The following DPH6 variants were observed in gnomAD, a reference collection of about 807,000 sequenced individuals.
DPH6 encodes the protein diphthamine biosynthesis 6.
In DPH6, 33 loss-of-function variants were observed where a neutral mutation model predicts 38.2. The ratio of observed to expected loss-of-function variants is 0.86; its 90% CI spans 0.65 to 1.15. DPH6 has a LOEUF of 1.15. Among genes scored for constraint, DPH6 ranks in the 50% most tolerant of loss-of-function variants. The pLI is 0.00. For missense variants in DPH6, 325 were observed against 320.0 expected (o/e 1.02, Z -0.12); for synonymous variants, 108 against 103.0 (o/e 1.05, Z -0.30).
chr15:35,318,917 C>T (rs956761370), intron 3 of DPH6, among the ~76,000 whole-genome samples: 1 of 152,078 alleles, frequency 6.6e-6, no homozygotes, highest in Non-Finnish European at 1.5e-5. Flanking sequence ...AATATACACA[C>T]AAGATCACGA....
At chr15:35,351,720 C>CT (rs758678929) in intron 3 of DPH6, among the ~76,000 whole-genome samples, 3,679 of 136,390 alleles carry the variant, frequency 0.027, 61 homozygotes, top group African/African-American at 0.05. Context: ...TGTCAGACTT[C>CT]TTTTTTTTTT....
At chr15:35,439,719 G>C (rs573681207) in intron 5 of DPH6, among the ~76,000 whole-genome samples, 1 of 151,690 alleles carries the variant, frequency 6.6e-6, no homozygotes, top group South Asian at 2.1e-4. Context: ...CTCAAGAAGA[G>C]AGGAGTTCAC....
At chr15:35,360,683 T>C (rs1238385309) in intron 3 of DPH6, among the ~76,000 whole-genome samples, 5 of 152,120 alleles carry the variant, frequency 3.3e-5, no homozygotes, top group African/African-American at 1.2e-4. Context: ...GTGCCTGCTA[T>C]TGGGGGCATA....
At chr15:35,316,399 A>T (rs958863524) in intron 3 of DPH6, among the ~76,000 whole-genome samples, 5 of 152,200 alleles carry the variant, frequency 3.3e-5, no homozygotes, top group African/African-American at 1.2e-4. Flanking sequence ...TAATTTATAG[A>T]TTCCAGAGAG....
rs567689634 is a variant in DPH6, at chr15:35,354,086, A to G, written n.207+19435T>C. Among the ~76,000 whole-genome samples, 267 of 151,986 alleles carry G rather than the reference A, an allele frequency of 1.8e-3. 1 individual carries two copies. Among genetic ancestry groups the G allele is most frequent in the East Asian group, 5.2e-3 (27 of 5,160 alleles). On this transcript the variant is annotated intron_variant and non_coding_transcript_variant, in intron 3 of 3. Transcript: ENST00000558973. ...TCATGATTTGGCTCTCTGTTTGTCT[A>G]TTATTGGTGTATAAGAATGCTTGTG...
intron 5 of DPH6, among the ~76,000 whole-genome samples, chr15:35,424,691 A>G (rs984346876): frequency 7.2e-5 from 11 of 151,734 alleles, no homozygotes; most frequent in Middle Eastern, 6.8e-3. Flanking sequence ...CAAGATGGTT[A>G]TATAAGCACT....
intron 3 of DPH6, among the ~76,000 whole-genome samples, chr15:35,333,908 A>G (rs2052346992): frequency 6.6e-6 from 1 of 152,224 alleles, no homozygotes; most frequent in South Asian, 2.1e-4. Context: ...GATAAAGAAA[A>G]TGTGGTACAT....
At chr15:35,344,502 G>A (rs2052446394) in intron 3 of DPH6, among the ~76,000 whole-genome samples, 1 of 151,802 alleles carries the variant, frequency 6.6e-6, no homozygotes, top group Admixed American at 6.6e-5. Context: ...AACCATTCAG[G>A]AGAGACTTAA....
At chr15:35,459,228 A>ACT (rs1292246969) in intron 3 of DPH6, among the ~76,000 whole-genome samples, 5 of 151,852 alleles carry the variant, frequency 3.3e-5, no homozygotes, top group African/African-American at 7.3e-5. Context: ...ATTCTCTGGG[A>ACT]CTCTCTTAAG....
chr15:35,267,713 C>G (rs1050755833), intron 3 of DPH6, among the ~76,000 whole-genome samples: 13 of 152,098 alleles, frequency 8.5e-5, no homozygotes, highest in Admixed American at 2.6e-4. Context: ...TTTGCCATCC[C>G]TTTTTGTGTA....
Position 35,371,979 on chromosome 15 carries a change from C to T in DPH6, c.*171G>A. ...GCACTATTAATGAACATGCCGTCGA[C>T]ATTTTCCCAATTAATAAATGGTTCC... On this transcript the variant is annotated 3_prime_UTR_variant, in exon 9 of 9. Transcript: ENST00000256538. 1 of 1,321,220 alleles carries T rather than the reference C, an allele frequency of 7.6e-7. No individual in the cohort carries two copies. Among genetic ancestry groups the T allele is most frequent in the Non-Finnish European group, 9.7e-7 (1 of 1,033,366 alleles). 81.8% of individuals were successfully genotyped at this position (1,321,220 alleles called of 1,614,324 possible). A position where few individuals can be genotyped will look rare whatever the true frequency, so the allele number is the denominator to read the frequency against.
At chr15:35,398,590 T>A (rs2053177490) in intron 6 of DPH6, among the ~76,000 whole-genome samples, 1 of 152,248 alleles carries the variant, frequency 6.6e-6, no homozygotes. Context: ...CATCTCTGCA[T>A]CTGGCTGTTC....
intron 3 of DPH6, among the ~76,000 whole-genome samples, chr15:35,258,586 T>C (rs958746091): frequency 6.6e-6 from 1 of 152,214 alleles, no homozygotes; most frequent in Non-Finnish European, 1.5e-5. Context: ...TAGAGCTTAA[T>C]GTCCTTTGTT....
rs1048669616 is a variant in DPH6 at position 35,466,225 on chromosome 15, T to G, written c.313-11405A>C. On this transcript the variant is annotated intron_variant, in intron 3 of 8. Coordinates refer to ENST00000256538, the MANE Select transcript of DPH6 (RefSeq NM_080650.4). ...AAAATTAAAATTAATTAAAAATAAT[T>G]AAATACATAAAAGATAAGGTGATAT... Among the ~76,000 whole-genome samples the G allele has an allele frequency of 1.6e-4, 25 of 151,978 alleles. 1 individual carries two copies. Among genetic ancestry groups the G allele is most frequent in the Admixed American group, 1.6e-3 (25 of 15,258 alleles).
At chr15:35,330,658 T>C (rs1464222126), downstream of DPH6, 1 of 152,186 alleles carries the variant, frequency 6.6e-6, no homozygotes, top group Non-Finnish European at 1.5e-5. Flanking sequence ...GACCTGACTA[T>C]AGAAAGGAGC....
intron 3 of DPH6, among the ~76,000 whole-genome samples, chr15:35,311,628 T>G (rs567715784): frequency 7.2e-4 from 110 of 152,198 alleles, no homozygotes; most frequent in Non-Finnish European, 1.4e-3. Context: ...GGAATGGCAT[T>G]AAGATCTGCT....
chr15:35,429,063 A>G (rs1355865804), intron 5 of DPH6, among the ~76,000 whole-genome samples: 1 of 152,154 alleles, frequency 6.6e-6, no homozygotes, highest in Non-Finnish European at 1.5e-5. Context: ...TTGAGATCCA[A>G]TTGTTTACAG....
At chr15:35,411,671 T>C (rs118123461) in intron 5 of DPH6, among the ~76,000 whole-genome samples, 195 of 151,766 alleles carry the variant, frequency 1.3e-3, no homozygotes, top group Non-Finnish European at 2.4e-3. Flanking sequence ...ATGAAATAAA[T>C]GAATTCATTT....
downstream of DPH6, among the ~76,000 whole-genome samples, chr15:35,367,421 G>A (rs1388458678): frequency 6.6e-6 from 1 of 151,776 alleles, no homozygotes; most frequent in East Asian, 1.9e-4. Context: ...GTAAAAGTCT[G>A]ATTTTTCTGT....
Sources: gnomAD v4.1 joint callset for allele counts (sites outside exome capture counted in the v4.1 genomes callset) on GRCh38, gnomAD v4.1.1 for gene constraint, MANE v1.5 for transcripts, NCBI Gene and HGNC (gene_info 2026-07-23, HGNC 2026-07-21) for gene names.